ZFHX3: variants seen among roughly 807,000 people sequenced by gnomAD.
The protein encoded by ZFHX3 is zinc finger homeobox protein 3.
A neutral mutation model predicts 279.1 loss-of-function variants in ZFHX3; 42 were observed. That is an observed-to-expected ratio of 0.15 (90% confidence interval 0.12 to 0.19). The LOEUF is 0.19. Among genes scored for constraint, ZFHX3 ranks in the 10% least tolerant of loss-of-function variants. The probability of loss-of-function intolerance (pLI) is 1.00; values close to 1 mark genes in which losing one functional copy is unlikely to be tolerated. For missense variants in ZFHX3, 4,981 were observed against 4,754.0 expected (o/e 1.05, Z -1.40); for synonymous variants, 2,293 against 1,957.8 (o/e 1.17, Z -4.52).
chr16:73,416,840 C>CCGCAG (rs1555515071), intron 3 of ZFHX3, among the ~76,000 whole-genome samples: 2 of 151,432 alleles, frequency 1.3e-5, no homozygotes, highest in Non-Finnish European at 3.0e-5. Flanking sequence ...CGCCACTGCA[C>CCGCAG]TCCAGCCTGG....
intron 3 of ZFHX3, among the ~76,000 whole-genome samples, chr16:72,929,368 G>C (rs1049173509): frequency 6.6e-6 from 1 of 152,270 alleles, no homozygotes; most frequent in African/African-American, 2.4e-5. Context: ...GGTCCACCCG[G>C]GGGTGAGGGA....
At chr16:72,902,484 T>G (rs538544340) in intron 3 of ZFHX3, among the ~76,000 whole-genome samples, 72 of 152,262 alleles carry the variant, frequency 4.7e-4, no homozygotes, top group Admixed American at 6.5e-4. Flanking sequence ...ATGAGGACAT[T>G]AGTTATGCAT....
At chr16:73,596,558 T>G (rs932217083) in intron 2 of ZFHX3, among the ~76,000 whole-genome samples, 3 of 152,046 alleles carry the variant, frequency 2.0e-5, no homozygotes, top group Non-Finnish European at 2.9e-5. Flanking sequence ...CTTATGAACC[T>G]CCAAACATGT....
intron 3 of ZFHX3, among the ~76,000 whole-genome samples, chr16:73,326,761 A>G (rs972658743): frequency 1.1e-4 from 16 of 152,222 alleles, no homozygotes; most frequent in African/African-American, 3.6e-4. Flanking sequence ...GATGAATTTT[A>G]CGGTAAGTGA....
chr16:73,100,004 G>A (rs1219896805), intron 7 of ZFHX3, among the ~76,000 whole-genome samples: 2 of 152,186 alleles, frequency 1.3e-5, no homozygotes, highest in East Asian at 3.9e-4. Context: ...CTCACTATGG[G>A]TATCAGCCCA....
chr16:73,319,202 G>A (rs535399304), intron 3 of ZFHX3, among the ~76,000 whole-genome samples: 1 of 152,104 alleles, frequency 6.6e-6, no homozygotes, highest in African/African-American at 2.4e-5. Flanking sequence ...AAGATGTGAG[G>A]GCTTGGAAGA....
intron 1 of ZFHX3, among the ~76,000 whole-genome samples, chr16:73,002,808 T>G (rs1597077486): frequency 6.6e-6 from 1 of 152,210 alleles, no homozygotes; most frequent in East Asian, 1.9e-4. Context: ...CACAGGCCAG[T>G]GCTATTTAAG....
At chr16:73,510,600 A>T (rs1175538833) in intron 2 of ZFHX3, among the ~76,000 whole-genome samples, 1 of 152,222 alleles carries the variant, frequency 6.6e-6, no homozygotes, top group African/African-American at 2.4e-5. Flanking sequence ...CCATGTACTG[A>T]TATGTAGGTG....
chr16:73,146,453 A>C (rs1041785601), intron 5 of ZFHX3, among the ~76,000 whole-genome samples: 5 of 151,836 alleles, frequency 3.3e-5, no homozygotes, highest in African/African-American at 1.2e-4. Context: ...AGATCTTCTG[A>C]AAGGCATACG....
intron 1 of ZFHX3, among the ~76,000 whole-genome samples, chr16:73,816,637 G>C (rs554408351): frequency 1.3e-5 from 2 of 151,070 alleles, no homozygotes; most frequent in Non-Finnish European, 2.9e-5. Flanking sequence ...GATGGGGGGG[G>C]AGAGAAAAAG....
chr16:72,970,761 C>T (rs1351041760), intron 1 of ZFHX3, among the ~76,000 whole-genome samples: 1 of 152,126 alleles, frequency 6.6e-6, no homozygotes, highest in African/African-American at 2.4e-5. Context: ...CCTCAAAGTC[C>T]CTCTCCAAGA....
At chr16:73,640,355 A>C (rs2052562864) in intron 2 of ZFHX3, among the ~76,000 whole-genome samples, 1 of 152,222 alleles carries the variant, frequency 6.6e-6, no homozygotes, top group Non-Finnish European at 1.5e-5. Flanking sequence ...CTTGCTCTCG[A>C]ACACAGCAAG....
chr16:72,990,061 T>A (rs1453161965), intron 1 of ZFHX3, among the ~76,000 whole-genome samples: 1 of 151,996 alleles, frequency 6.6e-6, no homozygotes, highest in Non-Finnish European at 1.5e-5. Flanking sequence ...AAGGTTTGGG[T>A]TTTTTTCCCC....
chr16:73,833,949 A>G (rs1418673505), intron 1 of ZFHX3, among the ~76,000 whole-genome samples: 3 of 151,786 alleles, frequency 2.0e-5, no homozygotes. Flanking sequence ...GTAAACGACA[A>G]GGGTGGTATG....
intron 1 of ZFHX3, among the ~76,000 whole-genome samples, chr16:73,863,660 C>G (rs186415055): frequency 1.3e-5 from 2 of 152,296 alleles, no homozygotes; most frequent in East Asian, 3.9e-4. Flanking sequence ...GTTTCTATAT[C>G]ATACGATGGT....
In ZFHX3 at chr16:72,928,424, G is replaced by A. The variant is rs34129821; in HGVS notation, c.3216+22045C>T. On this transcript the variant is annotated intron_variant, in intron 3 of 9. Transcript: ENST00000268489. ...TGGAGATTTGAATACATGCAAAAGC[G>A]CCCCCACCACAACCCCTCGGCCCAA... Among the ~76,000 whole-genome samples, 9 of 151,504 alleles carry A rather than the reference G, an allele frequency of 5.9e-5. No individual in the cohort carries two copies. The South Asian group carries it at 1.5e-3, about 25-fold the overall frequency.
At position 73,405,647 on chromosome 16, in the gene ZFHX3, G is replaced by C. The variant is rs557372161; in HGVS notation, c.-1291+50356C>G. Among the ~76,000 whole-genome samples the C allele has an allele frequency of 5.9e-5, 9 of 151,792 alleles. No individual in the cohort carries two copies. In the East Asian group the frequency reaches 1.5e-3, roughly 26 times the overall value. ...TCCAAGTTTTTTAGTCATTGCAATGGGGCCCTGCACATCACGTATGTAATG... is the reference window on the plus strand; with the variant it reads ...TCCAAGTTTTTTAGTCATTGCAATGCGGCCCTGCACATCACGTATGTAATG... On this transcript the variant is annotated intron_variant, in intron 3 of 17. Transcript: ENST00000641206.
At chr16:73,362,950 G>T (rs913948563) in intron 3 of ZFHX3, among the ~76,000 whole-genome samples, 1 of 152,208 alleles carries the variant, frequency 6.6e-6, no homozygotes, top group African/African-American at 2.4e-5. Context: ...TTTGGTAAAG[G>T]TGTTATATTT....
chr16:73,740,814 G>A (rs992814399), intron 1 of ZFHX3, among the ~76,000 whole-genome samples: 4 of 152,032 alleles, frequency 2.6e-5, no homozygotes, highest in African/African-American at 9.7e-5. Context: ...TTCCATCAGG[G>A]GCTTCTCATT....
Sources: allele counts gnomAD v4.1 joint callset (sites outside exome capture counted in the v4.1 genomes callset), GRCh38; gene constraint gnomAD v4.1.1; transcripts MANE v1.5; gene names NCBI Gene and HGNC (gene_info 2026-07-23, HGNC 2026-07-21).